Variants in WDHD1 observed in about 807,000 individuals in gnomAD.
The protein encoded by WDHD1 is WD repeat and HMG-box DNA binding protein 1.
A neutral mutation model predicts 135.4 loss-of-function variants in WDHD1; 111 were observed. The observed-to-expected ratio is 0.82, with a 90% CI of 0.70 to 0.96. The LOEUF is 0.96. Ranked by LOEUF, WDHD1 falls within the 40% of genes least tolerant of loss-of-function variation. The pLI is 0.00. For missense variants in WDHD1, 1,351 were observed against 1,336.3 expected, an observed-to-expected ratio of 1.01 and a Z score of -0.17; for synonymous variants, 434 against 439.0, an observed-to-expected ratio of 0.99 and a Z score of 0.14.
At chr14:54,956,298 G>T (rs1214273859) in intron 23 of WDHD1, among the ~76,000 whole-genome samples, 2 of 152,024 alleles carry the variant, frequency 1.3e-5, no homozygotes, top group African/African-American at 4.8e-5. Context: ...AGCTTCTGGG[G>T]TCTGAGTATA....
At position 54,984,870 on chromosome 14, in the gene WDHD1, A is replaced by C. The variant is rs750855027; in HGVS notation, c.1769-10T>G. On this transcript the variant is annotated splice_polypyrimidine_tract_variant and intron_variant, in intron 14 of 25. Coordinates refer to ENST00000360586, the MANE Select transcript of WDHD1 (RefSeq NM_007086.4). Reference sequence around the variant, plus strand: ...CCATCAAATCCTGTACCTAATGAGAAAATGTAAATATAAATCAGGCATCAA... The same window carrying C: ...CCATCAAATCCTGTACCTAATGAGACAATGTAAATATAAATCAGGCATCAA... 6.2e-6 allele frequency: 10 copies of C among 1,607,536 alleles called. No homozygotes were observed. The East Asian group carries it at 2.2e-4, about 36-fold the overall frequency.
chr14:55,018,187 C>T (rs1437905095), intron 2 of WDHD1, among the ~76,000 whole-genome samples: 3 of 152,078 alleles, frequency 2.0e-5, no homozygotes, highest in Non-Finnish European at 4.4e-5. Flanking sequence ...AGAAACAAGT[C>T]CTCTAAATCT....
At chr14:54,978,874 G>A (rs112602642) in intron 16 of WDHD1, among the ~76,000 whole-genome samples, 2 of 152,208 alleles carry the variant, frequency 1.3e-5, no homozygotes, top group African/African-American at 4.8e-5. Context: ...TTACCTTTTG[G>A]CTACCAAATC....
chr14:55,024,488 T>A (rs79077061), intron 2 of WDHD1, among the ~76,000 whole-genome samples: 12,212 of 152,218 alleles, frequency 0.08, 650 homozygotes, highest in African/African-American at 0.15. Flanking sequence ...TCCTGAATGT[T>A]TACTCTTTTC....
rs2041360788 is a variant in WDHD1 at position 54,967,334 on chromosome 14, T to C, written c.2124A>G (p.Ile708Met). The C allele has an allele frequency of 6.2e-7, 1 of 1,612,694 alleles. No homozygotes were observed. The highest frequency in any genetic ancestry group is 8.5e-7 in the Non-Finnish European group (1 of 1,179,086). Residue 708 changes from isoleucine (I) to methionine (M), a missense_variant, in exon 17 of 26, where the codon ATA becomes ATG. Physicochemically the swap from Ile to Met is conservative, Grantham distance 10. Transcript: ENST00000360586. The stretch of plus-strand genomic sequence containing the variant: ...GACAGTAAGGAAGCTTAAAGGATAA[T>C]ATAGCAACAGCAGGGCGTGGAAGGG... ...PPTLPRPAVAILSFKLPYCQI... is the reference protein window; with the variant it reads ...PPTLPRPAVAMLSFKLPYCQI...
chr14:54,984,889 G>C (rs780761629), intron 14 of WDHD1, 29 bp from the exon 15 acceptor site: 29 of 1,601,476 alleles, frequency 1.8e-5, no homozygotes, highest in Non-Finnish European at 2.1e-5. Flanking sequence ...TATAAATCAG[G>C]CATCAAAGGT....
At chr14:54,991,860 T>C (rs2041797475) in intron 11 of WDHD1, among the ~76,000 whole-genome samples, 1 of 152,226 alleles carries the variant, frequency 6.6e-6, no homozygotes, top group Non-Finnish European at 1.5e-5. Context: ...ACTACGGTTA[T>C]GCAGAATTGG....
chr14:54,987,453 A>T lies in WDHD1; in HGVS notation c.1527-66T>A. The T allele has an allele frequency of 5.5e-6, 6 of 1,085,070 alleles. 1 individual carries two copies. The South Asian group carries it at 9.3e-5, about 17-fold the overall frequency. 67.2% of individuals were successfully genotyped at this position (1,085,070 alleles called of 1,614,324 possible). ...TGATATTTACATATATATATATATA[A>T]GCAATCATGATATTCAACAAAAAAA... On this transcript the variant is annotated intron_variant, in intron 13 of 25. Transcript: ENST00000360586.
At chr14:55,015,373 C>G (rs1183941142) in intron 2 of WDHD1, among the ~76,000 whole-genome samples, 1 of 84,836 alleles carries the variant, frequency 1.2e-5, no homozygotes, top group Non-Finnish European at 2.1e-5. Flanking sequence ...CAGCATGACA[C>G]TGTCTCAAAA....
intron 24 of WDHD1, among the ~76,000 whole-genome samples, chr14:54,951,224 A>C (rs377545579): frequency 6.6e-6 from 1 of 151,786 alleles, no homozygotes; most frequent in African/African-American, 2.4e-5. Flanking sequence ...TTTTTTGAAA[A>C]GATCAATAAA....
chr14:54,990,275 C>G (rs779779586), intron 12 of WDHD1, among the ~76,000 whole-genome samples: 1 of 152,062 alleles, frequency 6.6e-6, no homozygotes, highest in South Asian at 2.1e-4. Flanking sequence ...TGGAAAACAT[C>G]ATATAACCAA....
intron 18 of WDHD1, among the ~76,000 whole-genome samples, chr14:54,965,782 C>T (rs1453458045): frequency 6.6e-6 from 1 of 151,608 alleles, no homozygotes; most frequent in South Asian, 2.1e-4. Context: ...GTGGTGAAAC[C>T]CTGTTTCTAC....
In WDHD1 at chr14:54,991,237, C is replaced by T. The variant is rs528596769; in HGVS notation, c.1317G>A (p.Pro439=). 1.6e-5 allele frequency: 26 copies of T among 1,602,828 alleles called. No homozygotes were observed. Among genetic ancestry groups the T allele is most frequent in the South Asian group, 4.4e-5 (4 of 90,478 alleles). ...CCATGAATCTGTGAGTGAGATGCAA[C>T]GGTGTAGAACCTGACTGAAATGGCT... The part of the protein sequence containing the change: ...RQKPFQSGST[P]LHLTHRFMVW... Residue 439 remains proline, a synonymous_variant, in exon 12 of 26, where the codon CCG becomes CCA. Coordinates refer to ENST00000360586, the MANE Select transcript of WDHD1 (RefSeq NM_007086.4).
rs2040809375 is a variant in WDHD1 at position 54,939,539 on chromosome 14, AATTT to A, written c.*1947_*1950del. On this transcript the variant is annotated 3_prime_UTR_variant, in exon 26 of 26. Transcript: ENST00000360586. ...ATTGATATGATGATGATTAATAATT[AATTT>A]ATTTCCATTTTCACTTTCATACTAT... 6.6e-6 allele frequency: 1 copy of A among 152,054 alleles called. No homozygotes were observed. The highest frequency in any genetic ancestry group is 1.5e-5 in the Non-Finnish European group (1 of 68,024). The allele number at this position is 152,054 out of a possible 1,614,324, so 9.4% of individuals were successfully genotyped here.
At chr14:55,006,024 C>G (rs1008822047) in intron 7 of WDHD1, among the ~76,000 whole-genome samples, 1 of 151,912 alleles carries the variant, frequency 6.6e-6, no homozygotes, top group African/African-American at 2.4e-5. Context: ...GCCACCACAC[C>G]TGGCTAATTT....
chr14:55,020,694 A>C (rs879896517), intron 2 of WDHD1, among the ~76,000 whole-genome samples: 6 of 152,202 alleles, frequency 3.9e-5, no homozygotes, highest in Admixed American at 1.3e-4. Context: ...TGACCCTTGA[A>C]CAACATGGGC....
chr14:55,006,637 T>G (rs2042074818), intron 7 of WDHD1, among the ~76,000 whole-genome samples: 1 of 152,208 alleles, frequency 6.6e-6, no homozygotes, highest in African/African-American at 2.4e-5. Context: ...GTTGTCTAAC[T>G]GTATCAGTTA....
At chr14:54,984,637 G>T in intron 15 of WDHD1, 86 bp downstream of exon 15, 2 of 1,079,896 alleles carry the variant, frequency 1.9e-6, no homozygotes, top group Non-Finnish European at 2.5e-6. Flanking sequence ...AAATTAATTA[G>T]GAATAAAACA....
intron 2 of WDHD1, 49 bp from the exon 3 acceptor site, chr14:55,013,645 C>A: frequency 2.1e-6 from 3 of 1,424,536 alleles, no homozygotes; most frequent in Non-Finnish European, 3.0e-6. Flanking sequence ...GTGTCTCATG[C>A]CTATAATGCT....
Sources: gnomAD v4.1 joint callset for allele counts (sites outside exome capture counted in the v4.1 genomes callset) on GRCh38, gnomAD v4.1.1 for gene constraint, MANE v1.5 for transcripts, NCBI Gene and HGNC (gene_info 2026-07-23, HGNC 2026-07-21) for gene names.